SWT1: variants seen among roughly 807,000 people sequenced by gnomAD.
SWT1 encodes SWT1 RNA endoribonuclease homolog.
Under a neutral mutation model 107.3 loss-of-function variants are expected in SWT1, and 33 were observed. That is an observed-to-expected ratio of 0.31 (90% CI 0.23 to 0.41). The LOEUF (loss-of-function observed/expected upper bound fraction) is 0.41. Among genes scored for constraint, SWT1 ranks in the 10% least tolerant of loss-of-function variants. The pLI is 1.00. For synonymous variants in SWT1, 345 were observed against 348.3 expected, an observed-to-expected ratio of 0.99 and a Z score of 0.11; for missense variants, 898 against 1,028.9, an observed-to-expected ratio of 0.87 and a Z score of 1.74.
chr1:185,240,694 ATCT>A (rs1312855322), intron 16 of SWT1, among the ~76,000 whole-genome samples: 1 of 152,082 alleles, frequency 6.6e-6, no homozygotes, highest in African/African-American at 2.4e-5. Flanking sequence ...GAGTTGTTTA[ATCT>A]TCTAAGTTTT....
In SWT1 at chr1:185,180,430, A is replaced by T; in HGVS notation, c.1006A>T (p.Ile336Phe). Reference protein sequence around the residue: ...APCCSVSSESIQDADQEMQIV... With the variant: ...APCCSVSSESFQDADQEMQIV... ...ATGTTGTTCCGTGTCATCTGAAAGT[A>T]TCCAGGATGCAGATCAAGAGGTTAT... The change falls in exon 6 of 19, where the codon ATC becomes TTC. Residue 336 changes from isoleucine to phenylalanine, a missense_variant. Coordinates refer to ENST00000367500, the MANE Select transcript of SWT1 (RefSeq NM_017673.7). 6.2e-7 allele frequency: 1 copy of T among 1,613,152 alleles called. No homozygotes were observed. Among genetic ancestry groups the T allele is most frequent in the Non-Finnish European group, 8.5e-7 (1 of 1,179,116 alleles).
At chr1:185,246,806 T>G (rs142204125) in intron 16 of SWT1, among the ~76,000 whole-genome samples, 10 of 151,606 alleles carry the variant, frequency 6.6e-5, no homozygotes, top group Middle Eastern at 6.8e-3. Context: ...ATATTTTAAA[T>G]TTTTGGTAGA....
At chr1:185,163,595 T>C (rs1200373956) in intron 2 of SWT1, among the ~76,000 whole-genome samples, 1 of 152,042 alleles carries the variant, frequency 6.6e-6, no homozygotes, top group Non-Finnish European at 1.5e-5. Context: ...GGGGTTTCAC[T>C]GTGTTGGCCA....
intron 15 of SWT1, chr1:185,227,375 C>A: frequency 1.4e-6 from 1 of 713,720 alleles, no homozygotes. Flanking sequence ...TATTGAGAAG[C>A]CTGCGGGCCA....
chr1:185,253,667 A>G (rs1662237942), intron 16 of SWT1, among the ~76,000 whole-genome samples: 1 of 152,116 alleles, frequency 6.6e-6, no homozygotes, highest in Non-Finnish European at 1.5e-5. Flanking sequence ...TATCCGCTTA[A>G]GGAGATTTTC....
chr1:185,160,797 C>A, intron 1 of SWT1, 36 bp from the exon 2 acceptor site: 2 of 1,489,394 alleles, frequency 1.3e-6, no homozygotes, highest in South Asian at 2.5e-5. Flanking sequence ...TTTTTGAGTG[C>A]AAAAACAAAT....
chr1:185,210,207 C>T (rs1382285313), intron 13 of SWT1, among the ~76,000 whole-genome samples: 1 of 152,140 alleles, frequency 6.6e-6, no homozygotes, highest in Non-Finnish European at 1.5e-5. Flanking sequence ...TTTTGTTGTG[C>T]AGAAGCACTT....
intron 16 of SWT1, among the ~76,000 whole-genome samples, chr1:185,254,904 CT>C (rs1662356987): frequency 6.6e-6 from 1 of 152,104 alleles, no homozygotes; most frequent in Non-Finnish European, 1.5e-5. Context: ...CCTGCTTTCT[CT>C]TGTGGGCATT....
At chr1:185,201,226 C>G (rs1160981348) in intron 10 of SWT1, among the ~76,000 whole-genome samples, 4 of 152,114 alleles carry the variant, frequency 2.6e-5, no homozygotes, top group African/African-American at 9.7e-5. Context: ...CCACTTGGCT[C>G]TGTGGCTTCA....
chr1:185,263,643 A>G (rs978994912), intron 16 of SWT1: 1 of 152,194 alleles, frequency 6.6e-6, no homozygotes, highest in Non-Finnish European at 1.5e-5. Flanking sequence ...TTGATAACAC[A>G]AGCTGTCTTT....
chr1:185,216,798 A>G (rs1482030592), intron 14 of SWT1, among the ~76,000 whole-genome samples: 1 of 152,116 alleles, frequency 6.6e-6, no homozygotes, highest in African/African-American at 2.4e-5. Context: ...CTAAAAATAC[A>G]AAAATTAGCC....
chr1:185,208,923 G>T (rs1222848474), intron 13 of SWT1, among the ~76,000 whole-genome samples: 1 of 152,022 alleles, frequency 6.6e-6, no homozygotes, highest in African/African-American at 2.4e-5. Context: ...GTTTATTGGT[G>T]CCTGAGGCTC....
In SWT1 at chr1:185,184,438, T is replaced by TC; in HGVS notation, c.1240+96dup. 4.0e-6 allele frequency: 3 copies of TC among 752,670 alleles called. No homozygotes were observed. The South Asian group carries it at 4.9e-5, about 12-fold the overall frequency. The allele number at this position is 752,670 out of a possible 1,614,324, so 46.6% of individuals were successfully genotyped here. A position where few individuals can be genotyped will look rare whatever the true frequency, so the allele number is the denominator to read the frequency against. On this transcript the variant is annotated intron_variant, in intron 8 of 18. Transcript: ENST00000367500. ...GGGCTTTTTTTGCCATGAACATGTC[T>TC]CCATTTAGATATGCTATATATTAAG... is the stretch of plus-strand genomic sequence containing the variant.
intron 13 of SWT1, 42 bp downstream of exon 13, chr1:185,206,805 G>GTTGTAA: frequency 7.2e-7 from 1 of 1,390,434 alleles, no homozygotes; most frequent in Non-Finnish European, 9.7e-7. Context: ...GTTGTATTAA[G>GTTGTAA]TCAGACTAGC....
rs763096071 is a variant in SWT1, at chr1:185,276,682, A to G, written c.2573+14A>G. 1.1e-5 allele frequency: 15 copies of G among 1,420,212 alleles called. No individual in the cohort carries two copies. Among genetic ancestry groups the G allele is most frequent in the Middle Eastern group, 3.9e-4 (2 of 5,096 alleles). The allele number at this position is 1,420,212 out of a possible 1,614,324, so 88.0% of individuals were successfully genotyped here. A position where few individuals can be genotyped will look rare whatever the true frequency, so the allele number is the denominator to read the frequency against. ...GACTGAGTATAGGTAAGTCATATCTATATATAGATATAAACCATTGTAACA... is the reference window on the plus strand; with the variant it reads ...GACTGAGTATAGGTAAGTCATATCTGTATATAGATATAAACCATTGTAACA... On this transcript the variant is annotated intron_variant, in intron 18 of 18. Coordinates refer to ENST00000367500, the MANE Select transcript of SWT1 (RefSeq NM_017673.7).
intron 16 of SWT1, among the ~76,000 whole-genome samples, chr1:185,235,191 G>C (rs1660776416): frequency 6.6e-6 from 1 of 152,098 alleles, no homozygotes; most frequent in South Asian, 2.1e-4. Flanking sequence ...AGAAAAAGAG[G>C]GAATCCTCCC....
At chr1:185,265,652 G>A (rs1371825112) in intron 16 of SWT1, among the ~76,000 whole-genome samples, 7 of 152,274 alleles carry the variant, frequency 4.6e-5, no homozygotes, top group East Asian at 1.9e-4. Context: ...AGGTTAATTA[G>A]CCTTTTTTGT....
chr1:185,262,052 TC>T (rs1481361163), intron 16 of SWT1, among the ~76,000 whole-genome samples: 2 of 152,192 alleles, frequency 1.3e-5, no homozygotes, highest in Admixed American at 6.5e-5. Flanking sequence ...CTTCAGTTGC[TC>T]CTTCCTTGTT....
intron 17 of SWT1, among the ~76,000 whole-genome samples, chr1:185,275,206 T>A (rs946593225): frequency 3.3e-5 from 5 of 152,062 alleles, no homozygotes; most frequent in African/African-American, 1.2e-4. Flanking sequence ...TGACCAAATG[T>A]CTGCAGTGTG....
Sources: allele counts gnomAD v4.1 joint callset (sites outside exome capture counted in the v4.1 genomes callset), GRCh38; gene constraint gnomAD v4.1.1; transcripts MANE v1.5; gene names NCBI Gene and HGNC (gene_info 2026-07-23, HGNC 2026-07-21).